The following GBE1 variants were observed in gnomAD, a reference collection of about 807,000 sequenced individuals.
The protein encoded by GBE1 is 1,4-alpha-glucan branching enzyme 1.
In GBE1, 70 loss-of-function variants were observed where a neutral mutation model predicts 88.8. The ratio of observed to expected loss-of-function variants is 0.79; its 90% CI spans 0.65 to 0.96. The LOEUF (loss-of-function observed/expected upper bound fraction) is 0.96, where lower values mean the gene tolerates loss of function less well. Ranked by LOEUF, GBE1 falls within the 40% of genes least tolerant of loss-of-function variation. The pLI, the probability that GBE1 is intolerant of heterozygous loss-of-function variation, is 0.00. For missense variants in GBE1, 872 were observed against 871.0 expected (o/e 1.00, Z -0.01); for synonymous variants, 284 against 300.1 (o/e 0.95, Z 0.56).
intron 1 of GBE1, 110 bp downstream of exon 1, chr3:81,761,265 C>A: frequency 1.4e-6 from 2 of 1,414,902 alleles, no homozygotes; most frequent in East Asian, 2.5e-5. Context: ...GGTTCCTCCC[C>A]GCCTGGGGCG....
At chr3:81,546,206 A>T (rs1703202602) in intron 12 of GBE1, among the ~76,000 whole-genome samples, 2 of 151,798 alleles carry the variant, frequency 1.3e-5, no homozygotes, top group South Asian at 4.2e-4. Context: ...ACATGCACAC[A>T]CACACACAAA....
At chr3:81,705,361 T>G (rs1705758710) in intron 2 of GBE1, 83 bp downstream of exon 2, 1 of 1,039,098 alleles carries the variant, frequency 9.6e-7, no homozygotes, top group South Asian at 1.9e-5. Flanking sequence ...GTTCATATGG[T>G]TAAATACATG....
chr3:81,612,233 A>AAAAAC, intron 7 of GBE1: 1 of 501,090 alleles, frequency 2.0e-6, no homozygotes, highest in Non-Finnish European at 3.2e-6. Flanking sequence ...AAAAAAAAAA[A>AAAAAC]AAAAAAAAAA....
chr3:81,732,939 A>AG (rs1432526769), intron 1 of GBE1, among the ~76,000 whole-genome samples: 1 of 151,990 alleles, frequency 6.6e-6, no homozygotes, highest in African/African-American at 2.4e-5. Flanking sequence ...CTCTGTCCCT[A>AG]GCTCATTCTG....
chr3:81,603,546 T>C (rs2106973486), intron 7 of GBE1, among the ~76,000 whole-genome samples: 1 of 152,310 alleles, frequency 6.6e-6, no homozygotes, highest in East Asian at 1.9e-4. Flanking sequence ...TCACCCAGGC[T>C]GGAGTGCAGT....
At position 81,539,488 on chromosome 3, in the gene GBE1, G is replaced by A. The variant is rs538382914; in HGVS notation, c.1619-2393C>T. ...GTAGGGAAATGAGAATTCCAAATGT[G>A]TTTATTATTAAAATATCTCTGGTAC... On this transcript the variant is annotated intron_variant, in intron 12 of 15. Coordinates refer to ENST00000429644, the MANE Select transcript of GBE1 (RefSeq NM_000158.4). 7.9e-5 allele frequency among the ~76,000 whole-genome samples: 12 copies of A among 152,054 alleles called. No individual in the cohort carries two copies. The South Asian group carries it at 2.5e-3, about 32-fold the overall frequency.
chr3:81,629,826 A>AT (rs1704479898), intron 7 of GBE1, among the ~76,000 whole-genome samples: 2 of 152,042 alleles, frequency 1.3e-5, no homozygotes, highest in Admixed American at 1.3e-4. Flanking sequence ...TTAACTTGTC[A>AT]TTTAGCATTA....
intron 7 of GBE1, chr3:81,612,805 T>C (rs1704200179): frequency 2.3e-6 from 1 of 430,494 alleles, no homozygotes. Flanking sequence ...GAGAGCTTCT[T>C]TACCTGATTT....
chr3:81,650,084 G>T, intron 3 of GBE1, 163 bp from the exon 4 acceptor site: 1 of 518,312 alleles, frequency 1.9e-6, no homozygotes. Context: ...TATCAATGTT[G>T]GTTTTCTCAT....
At chr3:81,746,286 CAG>C (rs1354154493) in intron 1 of GBE1, among the ~76,000 whole-genome samples, 1 of 151,992 alleles carries the variant, frequency 6.6e-6, no homozygotes, top group African/African-American at 2.4e-5. Context: ...TTTTCTGAGA[CAG>C]GGTCTTGCTC....
intron 12 of GBE1, among the ~76,000 whole-genome samples, chr3:81,569,442 C>A (rs566893903): frequency 6.6e-6 from 1 of 152,166 alleles, no homozygotes; most frequent in East Asian, 1.9e-4. Flanking sequence ...TATGGCATTC[C>A]ACCAGTGAGT....
intron 12 of GBE1, among the ~76,000 whole-genome samples, chr3:81,541,040 G>A (rs1279279090): frequency 2.0e-5 from 3 of 151,944 alleles, no homozygotes; most frequent in Admixed American, 6.6e-5. Context: ...TTGAAAATGT[G>A]ACCTGAGGTC....
chr3:81,583,203 A>C (rs1486338069), intron 10 of GBE1, among the ~76,000 whole-genome samples: 1 of 152,164 alleles, frequency 6.6e-6, no homozygotes, highest in Non-Finnish European at 1.5e-5. Context: ...TAGCTAAAAT[A>C]AAACATAGTG....
intron 2 of GBE1, among the ~76,000 whole-genome samples, chr3:81,703,654 ATTAAAC>A (rs928357399): frequency 2.0e-5 from 3 of 152,180 alleles, no homozygotes; most frequent in Admixed American, 2.0e-4. Context: ...TGAAAATTTT[ATTAAAC>A]TTAAATTTAA....
chr3:81,704,162 A>T (rs1234928277), intron 2 of GBE1, among the ~76,000 whole-genome samples: 1 of 151,924 alleles, frequency 6.6e-6, no homozygotes, highest in Non-Finnish European at 1.5e-5. Context: ...ATACTAGGTA[A>T]ATATAATTTA....
intron 14 of GBE1, among the ~76,000 whole-genome samples, chr3:81,532,279 G>A (rs925936567): frequency 1.3e-5 from 2 of 151,908 alleles, no homozygotes; most frequent in African/African-American, 4.8e-5. Flanking sequence ...ACAATGGCTG[G>A]AGAGTTCTAT....
At chr3:81,679,674 T>C (rs1705310325) in intron 2 of GBE1, among the ~76,000 whole-genome samples, 1 of 152,214 alleles carries the variant, frequency 6.6e-6, no homozygotes, top group African/African-American at 2.4e-5. Flanking sequence ...CAGACTATAA[T>C]TGTAACTCTG....
chr3:81,638,091 G>T (rs979522764), intron 7 of GBE1, among the ~76,000 whole-genome samples: 9 of 152,002 alleles, frequency 5.9e-5, no homozygotes, highest in African/African-American at 2.2e-4. Flanking sequence ...TGGTTAAGAA[G>T]TCCCAAATAT....
intron 2 of GBE1, among the ~76,000 whole-genome samples, chr3:81,684,191 T>C (rs1003004453): frequency 6.6e-6 from 1 of 152,156 alleles, no homozygotes; most frequent in Admixed American, 6.5e-5. Context: ...GGCCAGTATT[T>C]GAATCATGTT....
Sources: allele counts gnomAD v4.1 joint callset (sites outside exome capture counted in the v4.1 genomes callset), GRCh38; gene constraint gnomAD v4.1.1; transcripts MANE v1.5; gene names NCBI Gene and HGNC (gene_info 2026-07-23, HGNC 2026-07-21).